Variants in NAA40 observed in about 807,000 individuals in gnomAD.
NAA40 encodes N-alpha-acetyltransferase 40.
NAA40 carries 26 observed loss-of-function variants against 36.6 expected under a neutral mutation model. That is an observed-to-expected ratio of 0.71 (90% CI 0.52 to 0.98). The LOEUF is 0.98. Ranked by LOEUF, NAA40 falls within the 50% of genes least tolerant of loss-of-function variation. The pLI is 0.00. For synonymous variants in NAA40, 129 were observed against 108.4 expected (o/e 1.19, Z -1.18); for missense variants, 237 against 306.5 (o/e 0.77, Z 1.69).
intron 1 of NAA40, 49 bp from the exon 2 acceptor site, chr11:63,945,791 C>A: frequency 1.3e-6 from 2 of 1,525,500 alleles, no homozygotes; most frequent in Non-Finnish European, 1.8e-6. Context: ...AAAGTCAGTG[C>A]TTGATTGGCC....
At chr11:63,944,004 G>C (rs76090269) in intron 1 of NAA40, among the ~76,000 whole-genome samples, 6,615 of 152,226 alleles carry the variant, frequency 0.043, 481 homozygotes, top group African/African-American at 0.15. Flanking sequence ...AGGGAGGTAA[G>C]ATATGAGATC....
Position 63,939,003 on chromosome 11 carries a change from T to A in NAA40, c.-94T>A. 2.2e-6 allele frequency: 2 copies of A among 911,066 alleles called. No homozygotes were observed. The highest frequency in any genetic ancestry group is 3.2e-6 in the Non-Finnish European group (2 of 619,064). The allele number at this position is 911,066 out of a possible 1,614,324, so 56.4% of individuals were successfully genotyped here. A position where few individuals can be genotyped will look rare whatever the true frequency, so the allele number is the denominator to read the frequency against. ...GAGGCGCATGCGCGTTGCAGGGCCGTCCGCTCTGCTGCCGCCGCTGTTGCA... is the reference window on the plus strand; with the variant it reads ...GAGGCGCATGCGCGTTGCAGGGCCGACCGCTCTGCTGCCGCCGCTGTTGCA... On this transcript the variant is annotated 5_prime_UTR_variant, in exon 1 of 8. Transcript: ENST00000377793.
At chr11:63,940,073 G>A (rs1180358655) in intron 1 of NAA40, among the ~76,000 whole-genome samples, 1 of 76,540 alleles carries the variant, frequency 1.3e-5, no homozygotes, top group Admixed American at 2.0e-4. Flanking sequence ...TTTTTGATAT[G>A]GAGTTTTGCT....
At chr11:63,943,349 C>G (rs775023549) in intron 1 of NAA40, among the ~76,000 whole-genome samples, 6 of 152,286 alleles carry the variant, frequency 3.9e-5, no homozygotes, top group Admixed American at 2.0e-4. Flanking sequence ...TGTGTTGGCA[C>G]GCTGTTACCA....
Position 63,952,823 on chromosome 11 carries a change from C to T in NAA40, c.478C>T (p.Gln160Ter), listed in dbSNP as rs1412291956. 2 of 1,614,108 alleles carry T rather than the reference C, an allele frequency of 1.2e-6. No individual in the cohort carries two copies. The highest frequency in any genetic ancestry group is 1.3e-5 in the African/African-American group (1 of 75,056). ...GLGKFLIQIL[Q>*]LMANSTQMKK... ...GGGGAAGTTCCTCATACAGATCCTG[C>T]AGCTCATGGCCAACAGGTAAGGCCT... The change falls in exon 6 of 8, where the codon CAG becomes TAG. Residue 160 changes from glutamine to a stop codon, truncating the protein, a stop_gained. Transcript: ENST00000377793. LOFTEE classifies it high-confidence loss of function.
chr11:63,952,079 C>G (rs1301713891), intron 3 of NAA40, 159 bp from the exon 4 acceptor site: 9 of 599,870 alleles, frequency 1.5e-5, no homozygotes. Context: ...GACTTTGTTC[C>G]TGCACCTTCT....
chr11:63,951,177 C>G (rs747234149), intron 3 of NAA40, among the ~76,000 whole-genome samples: 2 of 152,160 alleles, frequency 1.3e-5, no homozygotes, highest in Non-Finnish European at 2.9e-5. Flanking sequence ...AGTTTGCTGA[C>G]TCTAGTCCTT....
chr11:63,941,578 G>C (rs1942109766), intron 1 of NAA40, among the ~76,000 whole-genome samples: 1 of 151,498 alleles, frequency 6.6e-6, no homozygotes, highest in Non-Finnish European at 1.5e-5. Flanking sequence ...TTTAGACAGA[G>C]TTGTGCTCTT....
chr11:63,950,113 G>GTTT (rs1362519066), intron 3 of NAA40, among the ~76,000 whole-genome samples: 5 of 104,040 alleles, frequency 4.8e-5, no homozygotes, highest in African/African-American at 1.9e-4. Flanking sequence ...CTGGTATGAG[G>GTTT]TTTTTTTTGT....
At chr11:63,951,406 C>G (rs534141178) in intron 3 of NAA40, among the ~76,000 whole-genome samples, 1 of 152,062 alleles carries the variant, frequency 6.6e-6, no homozygotes, top group Admixed American at 6.6e-5. Flanking sequence ...TGCAATGGCA[C>G]GATCTTGGCT....
Position 63,947,142 on chromosome 11 carries a change from C to CA in NAA40, c.155+140dup, listed in dbSNP as rs1276843350. On this transcript the variant is annotated intron_variant, in intron 3 of 7. Coordinates refer to ENST00000377793, the MANE Select transcript of NAA40 (RefSeq NM_024771.4). ...AAAAACAGGGCTGGGTGCGGTGGCT[C>CA]ACGCCTGTAATCCAAGCACTTTGGG... 6.8e-6 allele frequency: 6 copies of CA among 884,146 alleles called. No homozygotes were observed. The Admixed American group carries it at 8.1e-5, about 12-fold the overall frequency. The allele number at this position is 884,146 out of a possible 1,614,324, so 54.8% of individuals were successfully genotyped here.
intron 2 of NAA40, chr11:63,946,665 G>C: frequency 4.9e-6 from 7 of 1,419,122 alleles, no homozygotes; most frequent in Non-Finnish European, 5.6e-6. Flanking sequence ...CTTTGGGTTA[G>C]CTGTGCTGTG....
rs1942178227 is a variant in NAA40 at position 63,945,889 on chromosome 11, G to A, written c.56G>A (p.Arg19Gln). ...AAGAAGCAGAAGCGGTTGGAGGAGCGAGCAGCCATGGATGCCGTTTGTGCC... is the reference window on the plus strand; with the variant it reads ...AAGAAGCAGAAGCGGTTGGAGGAGCAAGCAGCCATGGATGCCGTTTGTGCC... ...KEKKQKRLEE[R>Q]AAMDAVCAKV... The change falls in exon 2 of 8, where the codon CGA becomes CAA. Residue 19 changes from arginine to glutamine, a missense_variant. Coordinates refer to ENST00000377793, the MANE Select transcript of NAA40 (RefSeq NM_024771.4). 1.2e-6 allele frequency: 2 copies of A among 1,614,004 alleles called. No individual in the cohort carries two copies. Among genetic ancestry groups the A allele is most frequent in the South Asian group, 1.1e-5 (1 of 91,082 alleles).
chr11:63,941,902 A>AC (rs1288393550), intron 1 of NAA40, among the ~76,000 whole-genome samples: 1 of 152,096 alleles, frequency 6.6e-6, no homozygotes, highest in Non-Finnish European at 1.5e-5. Context: ...CAGTCGTAGA[A>AC]CTGTGTGTGG....
At chr11:63,944,576 G>A (rs925911460) in intron 1 of NAA40, among the ~76,000 whole-genome samples, 2 of 152,056 alleles carry the variant, frequency 1.3e-5, no homozygotes, top group African/African-American at 4.8e-5. Flanking sequence ...GCTGTGCCTC[G>A]TCCTAGCACT....
intron 1 of NAA40, among the ~76,000 whole-genome samples, chr11:63,944,123 C>T (rs564010752): frequency 2.0e-5 from 3 of 152,268 alleles, no homozygotes; most frequent in Admixed American, 2.0e-4. Flanking sequence ...GAACTCCTTT[C>T]TTCTTGGTTG....
intron 3 of NAA40, among the ~76,000 whole-genome samples, chr11:63,948,363 A>G (rs528408491): frequency 8.5e-5 from 13 of 152,272 alleles, no homozygotes; most frequent in African/African-American, 2.9e-4. Flanking sequence ...AGTATACAGT[A>G]TAATTGTTAA....
rs371927046 is a variant in NAA40, at chr11:63,952,219, C to T, written c.156-19C>T. The T allele has an allele frequency of 7.9e-5, 126 of 1,584,948 alleles. No homozygotes were observed. Among genetic ancestry groups the T allele is most frequent in the South Asian group, 7.6e-4 (67 of 87,816 alleles). On this transcript the variant is annotated intron_variant, in intron 3 of 7. Coordinates refer to ENST00000377793, the MANE Select transcript of NAA40 (RefSeq NM_024771.4). ...GGAGTGCTGTAACCAATTCCGTACA[C>T]GTCCTGTCCTCTTCTCAGGTTGAAT...
In NAA40 at chr11:63,954,584, C is replaced by T. The variant is rs547422219; in HGVS notation, c.*105C>T. 11 of 1,334,008 alleles carry T rather than the reference C, an allele frequency of 8.2e-6. No individual in the cohort carries two copies. The highest frequency in any genetic ancestry group is 1.1e-5 in the Non-Finnish European group (11 of 1,002,652). The allele number at this position is 1,334,008 out of a possible 1,614,324, so 82.6% of individuals were successfully genotyped here. On this transcript the variant is annotated 3_prime_UTR_variant, in exon 8 of 8. Coordinates refer to ENST00000377793, the MANE Select transcript of NAA40 (RefSeq NM_024771.4). ...CCTCAGAGCTGTGGCCTCCCCAGCCCTGCACGTGCCAGGCTGCGCCCTGAG... is the reference window on the plus strand; with the variant it reads ...CCTCAGAGCTGTGGCCTCCCCAGCCTTGCACGTGCCAGGCTGCGCCCTGAG...
Sources: allele counts gnomAD v4.1 joint callset (sites outside exome capture counted in the v4.1 genomes callset), GRCh38; gene constraint gnomAD v4.1.1; transcripts MANE v1.5; gene names NCBI Gene and HGNC (gene_info 2026-07-23, HGNC 2026-07-21).